The following MYLK3 variants were observed in gnomAD, a reference collection of about 807,000 sequenced individuals.
The protein encoded by MYLK3 is myosin light chain kinase 3.
Under a neutral mutation model 76.3 loss-of-function variants are expected in MYLK3, and 55 were observed. That is an observed-to-expected ratio of 0.72 (90% CI 0.58 to 0.90). MYLK3 has a LOEUF of 0.90. MYLK3 is among the 40% of genes least tolerant of loss of function. MYLK3 has a pLI of 0.00. For synonymous variants in MYLK3, 416 were observed against 425.4 expected, an observed-to-expected ratio of 0.98 and a Z score of 0.27; for missense variants, 973 against 1,053.6, an observed-to-expected ratio of 0.92 and a Z score of 1.06.
intron 8 of MYLK3, chr16:46,726,445 G>C (rs1966840511): frequency 6.6e-6 from 1 of 151,734 alleles, no homozygotes; most frequent in Non-Finnish European, 1.5e-5. Flanking sequence ...GGTGGCACGT[G>C]CCTGTAGTCC....
Position 46,703,897 on chromosome 16 carries a change from C to A in MYLK3, c.*3807G>T, listed in dbSNP as rs1242453442. The A allele has an allele frequency of 1.3e-5, 2 of 153,744 alleles. No homozygotes were observed. Among genetic ancestry groups the A allele is most frequent in the Non-Finnish European group, 2.9e-5 (2 of 68,048 alleles). The allele number at this position is 153,744 out of a possible 1,614,324, so 9.5% of individuals were successfully genotyped here. On this transcript the variant is annotated 3_prime_UTR_variant, in exon 13 of 13. Transcript: ENST00000394809. ...AACACTTAAAATGTGGCTAGTGCAA[C>A]TGCAGAACTGAATTTCTAATTTTAT... is the stretch of plus-strand genomic sequence containing the variant.
At chr16:46,709,732 C>T in intron 11 of MYLK3, 61 bp from the exon 12 acceptor site, 1 of 1,583,726 alleles carries the variant, frequency 6.3e-7, no homozygotes, top group East Asian at 2.2e-5. Flanking sequence ...ATCCAAAAAT[C>T]TGTTCACTTG....
intron 1 of MYLK3, among the ~76,000 whole-genome samples, chr16:46,761,056 T>C (rs909004244): frequency 3.6e-4 from 54 of 152,090 alleles, no homozygotes; most frequent in Admixed American, 3.5e-3. Context: ...ACTCAGCATG[T>C]AAGAGGGAGG....
At chr16:46,748,405 C>A (rs748067298), upstream of MYLK3, 2 of 901,586 alleles carry the variant, frequency 2.2e-6, no homozygotes, top group East Asian at 2.8e-5. The surrounding 1 kb of genome is among the most constrained non-coding windows in gnomAD (Gnocchi z 4.3). Context: ...CCACCCTACA[C>A]GGGCCTGTGA....
chr16:46,741,226 C>G (rs1966926072), intron 1 of MYLK3, among the ~76,000 whole-genome samples: 1 of 152,194 alleles, frequency 6.6e-6, no homozygotes, highest in African/African-American at 2.4e-5. Flanking sequence ...AGAAGTGTGC[C>G]CAGCACATAG....
At chr16:46,728,863 T>C (rs531682227) in intron 7 of MYLK3, among the ~76,000 whole-genome samples, 161 bp downstream of exon 7, 1 of 152,326 alleles carries the variant, frequency 6.6e-6, no homozygotes, top group South Asian at 2.1e-4. Flanking sequence ...ACATTCCGTA[T>C]TGGAGGTCAA....
intron 6 of MYLK3, among the ~76,000 whole-genome samples, 177 bp downstream of exon 6, chr16:46,729,417 G>A (rs991708208): frequency 6.6e-6 from 1 of 152,188 alleles, no homozygotes; most frequent in African/African-American, 2.4e-5. Context: ...ACCTGCGCAT[G>A]GAGGGTGGGT....
Position 46,746,347 on chromosome 16 carries a change from T to C in MYLK3, c.477+1370A>G, listed in dbSNP as rs1406840152. 2.0e-5 allele frequency among the ~76,000 whole-genome samples: 3 copies of C among 152,184 alleles called. No homozygotes were observed. In the East Asian group the frequency reaches 5.8e-4, roughly 29 times the overall value. ...CACACCATCATAGGACTAAGTACAT[T>C]TTGATCCGAGATTTGATTGAATCTG... On this transcript the variant is annotated intron_variant, in intron 1 of 12. Transcript: ENST00000394809.
chr16:46,721,243 G>T, intron 8 of MYLK3, 50 bp from the exon 9 acceptor site: 2 of 1,543,184 alleles, frequency 1.3e-6, no homozygotes, highest in Non-Finnish European at 1.8e-6. Context: ...GAGGAGGTCT[G>T]CAGCTGCCAC....
chr16:46,735,696 T>C (rs1966865444), intron 3 of MYLK3, among the ~76,000 whole-genome samples: 1 of 152,016 alleles, frequency 6.6e-6, no homozygotes, highest in African/African-American at 2.4e-5. Context: ...TAATGACAGG[T>C]AGGAAGGGAA....
intron 1 of MYLK3, 46 bp downstream of exon 1, chr16:46,747,671 G>C (rs769504495): frequency 1.4e-5 from 22 of 1,563,982 alleles, no homozygotes; most frequent in Admixed American, 5.2e-5. Context: ...TCTCCCACCA[G>C]GGCCGGGGCC....
chr16:46,715,271 T>C (rs1966725239), intron 9 of MYLK3, among the ~76,000 whole-genome samples: 1 of 152,194 alleles, frequency 6.6e-6, no homozygotes, highest in Non-Finnish European at 1.5e-5. Context: ...TAAGTACTAG[T>C]TAAAGTTGCA....
chr16:46,725,154 G>C (rs1431553249), intron 8 of MYLK3, among the ~76,000 whole-genome samples: 2 of 152,060 alleles, frequency 1.3e-5, no homozygotes, highest in Non-Finnish European at 2.9e-5. Flanking sequence ...CTTGTATACT[G>C]CAACCTTGAT....
chr16:46,713,387 T>C (rs527904909), intron 9 of MYLK3, among the ~76,000 whole-genome samples: 12 of 152,104 alleles, frequency 7.9e-5, no homozygotes, highest in South Asian at 6.2e-4. Flanking sequence ...TTTGTAGAGA[T>C]GAGGTTTCAC....
rs1038258309 is a variant in MYLK3, at chr16:46,719,325, T to C, written c.1985+1798A>G. On this transcript the variant is annotated intron_variant, in intron 9 of 12. Transcript: ENST00000394809. ...CTGGGTGACAGCATGAGACTCGGTC[T>C]CAAAAAAAAAAAAAAAAGAAGATAT... Among the ~76,000 whole-genome samples the C allele has an allele frequency of 2.2e-5, 3 of 133,734 alleles. No homozygotes were observed. The East Asian group carries it at 6.4e-4, about 28-fold the overall frequency. 87.7% of individuals were successfully genotyped at this position (133,734 alleles called of 152,430 possible).
chr16:46,716,414 A>G (rs996142444), intron 9 of MYLK3, among the ~76,000 whole-genome samples: 17 of 150,062 alleles, frequency 1.1e-4, no homozygotes, highest in South Asian at 4.2e-4. Context: ...ATGTATGTGT[A>G]TATATATATA....
At chr16:46,724,220 G>C (rs1966827982) in intron 8 of MYLK3, among the ~76,000 whole-genome samples, 1 of 152,186 alleles carries the variant, frequency 6.6e-6, no homozygotes, top group Non-Finnish European at 1.5e-5. Context: ...TCTGATATAT[G>C]ATTTGGAAAT....
intron 3 of MYLK3, among the ~76,000 whole-genome samples, chr16:46,733,197 AC>A (rs1229972699): frequency 1.3e-5 from 2 of 152,196 alleles, no homozygotes; most frequent in South Asian, 4.2e-4. Flanking sequence ...CCCCACCTCT[AC>A]AAAAAATAAT....
At chr16:46,709,791 A>G in intron 11 of MYLK3, 120 bp from the exon 12 acceptor site, 1 of 1,185,986 alleles carries the variant, frequency 8.4e-7, no homozygotes, top group Non-Finnish European at 1.2e-6. Flanking sequence ...AGGCAGATTC[A>G]TGCCATGTAC....
Sources: allele counts gnomAD v4.1 joint callset (sites outside exome capture counted in the v4.1 genomes callset), GRCh38; gene constraint gnomAD v4.1.1; non-coding constraint Gnocchi (gnomAD v3.1); transcripts MANE v1.5; gene names NCBI Gene and HGNC (gene_info 2026-07-23, HGNC 2026-07-21).